The following LIN9 variants were observed in gnomAD, a reference collection of about 807,000 sequenced individuals.
LIN9 encodes protein lin-9 homolog.
Under a neutral mutation model 78.0 loss-of-function variants are expected in LIN9, and 18 were observed. The ratio of observed to expected loss-of-function variants is 0.23; its 90% CI spans 0.16 to 0.34. LIN9 has a LOEUF of 0.34. Among genes scored for constraint, LIN9 ranks in the 10% least tolerant of loss-of-function variants. The pLI, the probability that LIN9 is intolerant of heterozygous loss-of-function variation, is 1.00. For missense variants in LIN9, 451 were observed against 644.1 expected (o/e 0.70, Z 3.25); for synonymous variants, 192 against 215.2 (o/e 0.89, Z 0.94).
chr1:226,278,455 A>C (rs950252885), intron 6 of LIN9, among the ~76,000 whole-genome samples: 3 of 151,556 alleles, frequency 2.0e-5, no homozygotes, highest in Non-Finnish European at 4.4e-5. Context: ...AAAAACAAAA[A>C]AACCTTAAAA....
chr1:226,236,436 G>A (rs572543674), intron 12 of LIN9, among the ~76,000 whole-genome samples: 2 of 151,876 alleles, frequency 1.3e-5, no homozygotes, highest in South Asian at 4.2e-4. Flanking sequence ...ATATTCTCTT[G>A]TGTCTGACTT....
In LIN9 at chr1:226,250,820, A is replaced by G; in HGVS notation, c.1119+19T>C. The G allele has an allele frequency of 1.5e-6, 2 of 1,334,268 alleles. No individual in the cohort carries two copies. The highest frequency in any genetic ancestry group is 2.1e-6 in the Non-Finnish European group (2 of 944,724). The allele number at this position is 1,334,268 out of a possible 1,614,324, so 82.7% of individuals were successfully genotyped here. On this transcript the variant is annotated intron_variant, in intron 11 of 14. Transcript: ENST00000681046. ...AAAATTAGACAAGCAAATGAAGAAA[A>G]AAAAAGAGAAATTCTTACCAATTTT...
intron 10 of LIN9, among the ~76,000 whole-genome samples, chr1:226,253,026 G>A (rs1298527141): frequency 6.6e-6 from 1 of 151,978 alleles, no homozygotes; most frequent in Admixed American, 6.6e-5. Context: ...ACTTTGGGAG[G>A]CAGAGGTGGG....
intron 11 of LIN9, among the ~76,000 whole-genome samples, chr1:226,243,953 C>T (rs1278473425): frequency 6.6e-6 from 1 of 151,158 alleles, no homozygotes; most frequent in African/African-American, 2.4e-5. Flanking sequence ...CGGCTTACTG[C>T]AACCTCCACC....
chr1:226,302,316 G>T (rs1453432577), intron 1 of LIN9, among the ~76,000 whole-genome samples: 1 of 152,120 alleles, frequency 6.6e-6, no homozygotes, highest in Non-Finnish European at 1.5e-5. Context: ...GGCCGAGGTG[G>T]GCGGATCACA....
chr1:226,248,346 A>T lies in LIN9; in HGVS notation c.1119+2493T>A, dbSNP rs572498184. ...TATGGTTTCTGTTTCATTTAAAAAC[A>T]TGCCAGAAAAAATTTCGAAATCTCA... On this transcript the variant is annotated intron_variant, in intron 11 of 14. Coordinates refer to ENST00000681046, the MANE Select transcript of LIN9 (RefSeq NM_001366245.2). Among the ~76,000 whole-genome samples, 47 of 152,322 alleles carry T rather than the reference A, an allele frequency of 3.1e-4. 1 individual carries two copies. The South Asian group carries it at 9.3e-3, about 30-fold the overall frequency.
chr1:226,243,220 G>T (rs1658229823), intron 11 of LIN9, among the ~76,000 whole-genome samples: 1 of 152,130 alleles, frequency 6.6e-6, no homozygotes, highest in African/African-American at 2.4e-5. Context: ...AATACAAAAA[G>T]ATGCTTAATT....
At chr1:226,277,991 T>A in intron 6 of LIN9, 59 bp from the exon 7 acceptor site, 6 of 1,383,080 alleles carry the variant, frequency 4.3e-6, no homozygotes, top group Non-Finnish European at 6.0e-6. Flanking sequence ...AAACTTAAAA[T>A]CTTTTTTTTT....
chr1:226,234,114 T>C (rs1313059355), intron 12 of LIN9, among the ~76,000 whole-genome samples: 3 of 152,218 alleles, frequency 2.0e-5, no homozygotes, highest in Non-Finnish European at 4.4e-5. Context: ...TTCTCTTTGA[T>C]CAATTGGTAA....
At chr1:226,241,508 C>CAT (rs1658108278) in intron 11 of LIN9, among the ~76,000 whole-genome samples, 1 of 152,162 alleles carries the variant, frequency 6.6e-6, no homozygotes, top group Admixed American at 6.5e-5. Flanking sequence ...AAAGGGTTTA[C>CAT]ATATACAGTA....
At chr1:226,271,365 G>C (rs1347701069) in intron 7 of LIN9, among the ~76,000 whole-genome samples, 2 of 151,936 alleles carry the variant, frequency 1.3e-5, no homozygotes, top group Non-Finnish European at 2.9e-5. Context: ...TTGTTTTTGA[G>C]GAAAAATCTA....
At chr1:226,277,309 T>C (rs1378930528) in intron 7 of LIN9, among the ~76,000 whole-genome samples, 1 of 152,112 alleles carries the variant, frequency 6.6e-6, no homozygotes, top group Non-Finnish European at 1.5e-5. Flanking sequence ...TTGGCTTTAG[T>C]TTATATTGTA....
chr1:226,303,544 G>A (rs1052719076), intron 1 of LIN9, among the ~76,000 whole-genome samples: 3 of 152,148 alleles, frequency 2.0e-5, no homozygotes, highest in Admixed American at 6.5e-5. Context: ...ACGAAGGCAG[G>A]AACCATATCT....
chr1:226,297,983 TTC>T (rs935116520), intron 2 of LIN9, among the ~76,000 whole-genome samples, 170 bp from the exon 3 acceptor site: 1 of 152,236 alleles, frequency 6.6e-6, no homozygotes, highest in Non-Finnish European at 1.5e-5. Context: ...TTCCGTATTT[TTC>T]TGTCAAACTC....
chr1:226,299,053 G>A (rs1180375734), intron 2 of LIN9, among the ~76,000 whole-genome samples: 1 of 151,998 alleles, frequency 6.6e-6, no homozygotes, highest in Non-Finnish European at 1.5e-5. Flanking sequence ...AAATAAAGAG[G>A]GGTAAGTTTA....
Position 226,265,056 on chromosome 1 carries a change from GT to G in LIN9, c.1038+476del, listed in dbSNP as rs1011664565. Among the ~76,000 whole-genome samples, 1 of 152,148 alleles carries G rather than the reference GT, an allele frequency of 6.6e-6. No individual in the cohort carries two copies. The highest frequency in any genetic ancestry group is 2.4e-5 in the African/African-American group (1 of 41,428). The stretch of plus-strand genomic sequence containing the variant: ...ATATAATACTTCTACACTTAGTTCA[GT>G]TTAGGCTTAGATTTCTTAGTGTCTA... On this transcript the variant is annotated intron_variant, in intron 10 of 14. Coordinates refer to ENST00000681046, the MANE Select transcript of LIN9 (RefSeq NM_001366245.2). This position sits in a 1 kb window ranked among gnomAD's most constrained non-coding sequence, Gnocchi z 4.1.
At chr1:226,309,744 G>T, upstream of LIN9, 1 of 1,287,900 alleles carries the variant, frequency 7.8e-7, no homozygotes, top group Non-Finnish European at 1.0e-6. Flanking sequence ...GGCCCCTCGC[G>T]ATCCGGGCAC....
At chr1:226,297,865 C>T in intron 2 of LIN9, 52 bp from the exon 3 acceptor site, 2 of 973,952 alleles carry the variant, frequency 2.1e-6, no homozygotes, top group Non-Finnish European at 3.0e-6. Context: ...CAAAGGATTT[C>T]ATACCATGAA....
chr1:226,305,724 G>T (rs953153774), intron 1 of LIN9, among the ~76,000 whole-genome samples: 3 of 152,118 alleles, frequency 2.0e-5, no homozygotes, highest in African/African-American at 4.8e-5. Flanking sequence ...TTTACCCCAA[G>T]GGATAGAATG....
Sources: allele counts gnomAD v4.1 joint callset (sites outside exome capture counted in the v4.1 genomes callset), GRCh38; gene constraint gnomAD v4.1.1; non-coding constraint Gnocchi (gnomAD v3.1); transcripts MANE v1.5; gene names NCBI Gene and HGNC (gene_info 2026-07-23, HGNC 2026-07-21).